IL17F: variants seen among roughly 807,000 people sequenced by gnomAD.
IL17F encodes interleukin 17F.
Under a neutral mutation model 8.3 loss-of-function variants are expected in IL17F, and 6 were observed. The ratio of observed to expected loss-of-function variants is 0.73; its 90% confidence interval spans 0.40 to 1.43. IL17F has a LOEUF of 1.43. Among genes scored for constraint, IL17F ranks in the 40% most tolerant of loss-of-function variants. The probability of loss-of-function intolerance (pLI) is 0.02; values close to 1 mark genes in which losing one functional copy is unlikely to be tolerated. For synonymous variants in IL17F, 98 were observed against 81.6 expected (o/e 1.20, Z -1.08); for missense variants, 204 against 209.6 (o/e 0.97, Z 0.17).
At chr6:52,239,554 TA>T (rs747865747) in intron 1 of IL17F, among the ~76,000 whole-genome samples, 8 of 152,272 alleles carry the variant, frequency 5.3e-5, no homozygotes, top group Non-Finnish European at 1.0e-4. Context: ...GAACAGTCCC[TA>T]AAATGGTTCA....
upstream of IL17F, among the ~76,000 whole-genome samples, chr6:52,245,058 T>G (rs1455296751): frequency 6.6e-6 from 1 of 152,250 alleles, no homozygotes; most frequent in African/African-American, 2.4e-5. Flanking sequence ...GTTAGACTCC[T>G]ACTGGTGCTT....
intron 1 of IL17F, among the ~76,000 whole-genome samples, chr6:52,240,868 C>T (rs1487176163): frequency 6.8e-6 from 1 of 146,112 alleles, no homozygotes; most frequent in Non-Finnish European, 1.5e-5. Context: ...CTCTTAGAAG[C>T]GATGACTCTG....
chr6:52,236,939 C>T lies in IL17F; in HGVS notation c.484G>A (p.Val162Met). The T allele has an allele frequency of 6.2e-7, 1 of 1,613,102 alleles. No individual in the cohort carries two copies. Among genetic ancestry groups the T allele is most frequent in the Non-Finnish European group, 8.5e-7 (1 of 1,179,022 alleles). Residue 162 changes from valine (V) to methionine (M), a missense_variant, in exon 3 of 3, where the codon GTG (valine) becomes ATG (methionine). Val to Met is a conservative substitution (Grantham distance 21). Transcript: ENST00000336123. ...GAGTGGATATGCACCTCTTACTGCACATGGTGGATGACAGGGGTGACGCAG... is the reference window on the plus strand; with the variant it reads ...GAGTGGATATGCACCTCTTACTGCATATGGTGGATGACAGGGGTGACGCAG... ...CTCVTPVIHH[V>M]Q
intron 1 of IL17F, among the ~76,000 whole-genome samples, chr6:52,242,376 C>G (rs181750989): frequency 6.6e-6 from 1 of 152,308 alleles, no homozygotes. Flanking sequence ...ACCTGGCCAA[C>G]CTCTAGGTCC....
At chr6:52,244,557 C>G, upstream of IL17F, 2 of 888,366 alleles carry the variant, frequency 2.3e-6, no homozygotes, top group South Asian at 2.7e-5. Context: ...TTCGATTGAC[C>G]TGCTTACTGT....
intron 2 of IL17F, among the ~76,000 whole-genome samples, chr6:52,238,101 C>T (rs766748): frequency 0.31 from 47,535 of 152,126 alleles, 9,026 homozygotes; most frequent in Non-Finnish European, 0.43. Context: ...AGGCAGGGGG[C>T]ACTACCGTCC....
intron 1 of IL17F, among the ~76,000 whole-genome samples, chr6:52,240,869 G>T (rs9382084): frequency 0.62 from 92,931 of 150,594 alleles, 28,799 homozygotes; most frequent in Middle Eastern, 0.69. Context: ...TCTTAGAAGC[G>T]ATGACTCTGT....
chr6:52,243,383 T>C (rs1385142663), intron 1 of IL17F, among the ~76,000 whole-genome samples: 1 of 152,050 alleles, frequency 6.6e-6, no homozygotes, highest in Non-Finnish European at 1.5e-5. Flanking sequence ...CATTAACATC[T>C]CTCTTTCCTC....
chr6:52,242,210 CA>C (rs1355475210), intron 1 of IL17F, among the ~76,000 whole-genome samples: 1 of 152,126 alleles, frequency 6.6e-6, no homozygotes, highest in African/African-American at 2.4e-5. Context: ...TAATAGGGGA[CA>C]GGGGCAAGGG....
intron 1 of IL17F, among the ~76,000 whole-genome samples, chr6:52,243,762 G>C (rs145392169): frequency 7.9e-5 from 12 of 152,214 alleles, no homozygotes; most frequent in Non-Finnish European, 1.5e-4. Flanking sequence ...TGGGTGAGGA[G>C]CTGCATTTTT....
In IL17F at chr6:52,237,028, C is replaced by T; in HGVS notation, c.395G>A (p.Arg132Lys). Reference sequence around the variant, plus strand: ...AGAAACAGAGCAGCCTTGGTGCTTCCTCCGGACGACCAGGGTCTCTTGCTG... The same window carrying T: ...AGAAACAGAGCAGCCTTGGTGCTTCTTCCGGACGACCAGGGTCTCTTGCTG... Reference protein sequence around the residue: ...PIQQETLVVRRKHQGCSVSFQ... With the variant: ...PIQQETLVVRKKHQGCSVSFQ... The change falls in exon 3 of 3, where the codon AGG becomes AAG. Residue 132 changes from arginine (R) to lysine (K), a missense_variant. Physicochemically the swap from Arg to Lys is conservative, Grantham distance 26. Coordinates refer to ENST00000336123, the MANE Select transcript of IL17F (RefSeq NM_052872.4). The T allele has an allele frequency of 6.2e-7, 1 of 1,614,228 alleles. No individual in the cohort carries two copies. Among genetic ancestry groups the T allele is most frequent in the Non-Finnish European group, 8.5e-7 (1 of 1,180,026 alleles).
chr6:52,243,605 G>A (rs542046049), intron 1 of IL17F, among the ~76,000 whole-genome samples: 17 of 152,058 alleles, frequency 1.1e-4, no homozygotes, highest in Non-Finnish European at 2.4e-4. Context: ...TGCTGGCCAA[G>A]CTCCCACCAT....
At chr6:52,237,304 A>G in intron 2 of IL17F, 136 bp from the exon 3 acceptor site, 3 of 659,722 alleles carry the variant, frequency 4.5e-6, no homozygotes, top group Non-Finnish European at 7.9e-6. Context: ...GGAGCCACAC[A>G]GCCTGGAAGC....
At chr6:52,242,864 TTAAC>T (rs67696570) in intron 1 of IL17F, among the ~76,000 whole-genome samples, 14,758 of 152,252 alleles carry the variant, frequency 0.097, 738 homozygotes, top group East Asian at 0.13. Flanking sequence ...AATGGCCAAA[TTAAC>T]TGAAAATTAA....
Position 52,236,969 on chromosome 6 carries a change from A to G in IL17F, c.454T>C (p.Cys152Arg), listed in dbSNP as rs762731838. 6.2e-7 allele frequency: 1 copy of G among 1,614,112 alleles called. No homozygotes were observed. Among genetic ancestry groups the G allele is most frequent in the Non-Finnish European group, 8.5e-7 (1 of 1,179,940 alleles). The change falls in exon 3 of 3, where the codon TGC becomes CGC. Residue 152 changes from cysteine (C) to arginine (R), a missense_variant. Physicochemically the swap from Cys to Arg is radical, Grantham distance 180. Transcript: ENST00000336123. ...QLEKVLVTVG[C>R]TCVTPVIHHV... ...TGGATGACAGGGGTGACGCAGGTGC[A>G]GCCAACAGTCACCAGCACCTTCTCC... is the stretch of plus-strand genomic sequence containing the variant.
At chr6:52,238,290 A>G (rs1764005857) in intron 2 of IL17F, among the ~76,000 whole-genome samples, 1 of 152,210 alleles carries the variant, frequency 6.6e-6, no homozygotes, top group South Asian at 2.1e-4. Context: ...GTCTCCACCT[A>G]ACATCCCATT....
chr6:52,239,136 TA>T (rs1402626732), intron 1 of IL17F, 186 bp from the exon 2 acceptor site: 1 of 619,748 alleles, frequency 1.6e-6, no homozygotes, highest in Non-Finnish European at 2.9e-6. Context: ...AACTGAGAAC[TA>T]AACTCAGTAG....
At chr6:52,237,500 T>G (rs184250660) in intron 2 of IL17F, among the ~76,000 whole-genome samples, 245 of 152,254 alleles carry the variant, frequency 1.6e-3, no homozygotes, top group African/African-American at 5.3e-3. Context: ...TTGGCATTAT[T>G]ATTATTATTA....
chr6:52,244,519 T>C, upstream of IL17F: 1 of 1,248,884 alleles, frequency 8.0e-7, no homozygotes, highest in Non-Finnish European at 1.2e-6. Context: ...AGAGTACCTG[T>C]TAGTTTTATA....
Sources: allele counts gnomAD v4.1 joint callset (sites outside exome capture counted in the v4.1 genomes callset), GRCh38; gene constraint gnomAD v4.1.1; transcripts MANE v1.5; gene names NCBI Gene and HGNC (gene_info 2026-07-23, HGNC 2026-07-21).